The following ATP5PO variants were observed in gnomAD, a reference collection of about 807,000 sequenced individuals.
ATP5PO encodes the protein ATP synthase peripheral stalk subunit OSCP.
ATP5PO carries 14 observed loss-of-function variants against 26.2 expected under a neutral mutation model. The observed-to-expected ratio is 0.53, with a 90% CI of 0.35 to 0.83. The LOEUF (loss-of-function observed/expected upper bound fraction) is 0.83. ATP5PO is among the 40% of genes least tolerant of loss of function. The probability of loss-of-function intolerance (pLI) is 0.01; values close to 1 mark genes in which losing one functional copy is unlikely to be tolerated. For missense variants in ATP5PO, 241 were observed against 258.5 expected (o/e 0.93, Z 0.46); for synonymous variants, 106 against 95.1 (o/e 1.12, Z -0.67).
At chr21:33,903,763 G>T in intron 6 of ATP5PO, 124 bp from the exon 7 acceptor site, 1 of 1,178,790 alleles carries the variant, frequency 8.5e-7, no homozygotes, top group Non-Finnish European at 1.2e-6. Context: ...CTAGAAAAAG[G>T]CAAAAGTAAA....
At chr21:33,904,397 G>C (rs1305072762) in intron 5 of ATP5PO, among the ~76,000 whole-genome samples, 1 of 152,220 alleles carries the variant, frequency 6.6e-6, no homozygotes, top group Non-Finnish European at 1.5e-5. Context: ...GGCCTCTCCT[G>C]GGTGCAGCCC....
At chr21:33,914,298 C>T in intron 2 of ATP5PO, 152 bp downstream of exon 2, 2 of 600,562 alleles carry the variant, frequency 3.3e-6, no homozygotes, top group Non-Finnish European at 5.6e-6. Context: ...CATTCCTTTC[C>T]CCACCCTATG....
chr21:33,909,998 G>A (rs1159691234), intron 3 of ATP5PO, among the ~76,000 whole-genome samples: 2 of 152,216 alleles, frequency 1.3e-5, no homozygotes, highest in African/African-American at 4.8e-5. Context: ...TGCTGCCAGA[G>A]CGGCCCCAAA....
intron 1 of ATP5PO, chr21:33,915,443 G>A (rs1478162152): frequency 2.0e-6 from 1 of 489,910 alleles, no homozygotes; most frequent in Non-Finnish European, 3.6e-6. Context: ...GGAATTCAGC[G>A]AAGGGCAGAC....
intron 3 of ATP5PO, among the ~76,000 whole-genome samples, chr21:33,912,050 C>A (rs1987256371): frequency 6.6e-6 from 1 of 152,146 alleles, no homozygotes; most frequent in Non-Finnish European, 1.5e-5. Flanking sequence ...TCTTATATTT[C>A]TACCTTTTCT....
At chr21:33,910,001 G>A (rs1390320958) in intron 3 of ATP5PO, among the ~76,000 whole-genome samples, 2 of 152,192 alleles carry the variant, frequency 1.3e-5, no homozygotes, top group Non-Finnish European at 2.9e-5. Flanking sequence ...TGCCAGAGCG[G>A]CCCCAAAGAG....
intron 4 of ATP5PO, among the ~76,000 whole-genome samples, chr21:33,907,710 C>T (rs922226443): frequency 9.9e-5 from 15 of 152,188 alleles, no homozygotes; most frequent in African/African-American, 3.6e-4. Context: ...TCTATAGTCC[C>T]AGCTACTCAG....
intron 4 of ATP5PO, 74 bp from the exon 5 acceptor site, chr21:33,907,527 C>T: frequency 7.7e-7 from 1 of 1,297,422 alleles, no homozygotes; most frequent in Admixed American, 1.8e-5. Context: ...ATACTCAACC[C>T]AAAAAACAAA....
intron 3 of ATP5PO, 91 bp from the exon 4 acceptor site, chr21:33,909,302 A>T (rs1299132607): frequency 1.4e-6 from 2 of 1,425,906 alleles, no homozygotes; most frequent in African/African-American, 2.9e-5. Context: ...TTTTTTGGAG[A>T]CAACGTCTTG....
intron 6 of ATP5PO, 126 bp downstream of exon 6, chr21:33,903,807 TAA>T: frequency 8.9e-7 from 1 of 1,118,564 alleles, no homozygotes. Context: ...AAATTTAAAA[TAA>T]ATACAAAATT....
In ATP5PO at chr21:33,903,454, G is replaced by T; in HGVS notation, c.*72C>A. ...GTTTAAAAGACAGTGAACATAATAT[G>T]ATCTGTTCTGGAAGCTTTTTATTGT... On this transcript the variant is annotated 3_prime_UTR_variant, in exon 7 of 7. Coordinates refer to ENST00000290299, the MANE Select transcript of ATP5PO (RefSeq NM_001697.3). 2.3e-6 allele frequency: 3 copies of T among 1,286,798 alleles called. No homozygotes were observed. Among genetic ancestry groups the T allele is most frequent in the Admixed American group, 2.0e-5 (1 of 51,162 alleles). 79.7% of individuals were successfully genotyped at this position (1,286,798 alleles called of 1,614,324 possible). A position where few individuals can be genotyped will look rare whatever the true frequency, so the allele number is the denominator to read the frequency against.
chr21:33,907,912 A>G (rs2040111), intron 4 of ATP5PO, among the ~76,000 whole-genome samples: 140,703 of 152,168 alleles, frequency 0.92, 65,172 homozygotes, highest in East Asian at 1. Context: ...AGCACTTTGG[A>G]TGGCCGAGAT....
At position 33,909,141 on chromosome 21, in the gene ATP5PO, TTCAC is replaced by T; in HGVS notation, c.265_268del (p.Val89LysfsTer3). 6.2e-7 allele frequency: 1 copy of T among 1,613,592 alleles called. No individual in the cohort carries two copies. Among genetic ancestry groups the T allele is most frequent in the Non-Finnish European group, 8.5e-7 (1 of 1,179,468 alleles). On this transcript the variant is annotated frameshift_variant, in exon 4 of 7. Transcript: ENST00000290299. LOFTEE classifies it high-confidence loss of function. ...TTTTGCTGTGATGTCATTTAGGCTTTTCACTTTAATGGAACGCTTCACATAGGGA... is the reference window on the plus strand; with the variant it reads ...TTTTGCTGTGATGTCATTTAGGCTTTTTTAATGGAACGCTTCACATAGGGA...
chr21:33,909,444 T>C (rs558605655), intron 3 of ATP5PO, among the ~76,000 whole-genome samples: 3 of 152,236 alleles, frequency 2.0e-5, no homozygotes, highest in African/African-American at 7.2e-5. Context: ...TTTTGTATTT[T>C]TAGTAGAAAC....
chr21:33,909,869 T>A (rs543366551), intron 3 of ATP5PO, among the ~76,000 whole-genome samples: 2 of 152,330 alleles, frequency 1.3e-5, no homozygotes, highest in African/African-American at 4.8e-5. Flanking sequence ...GCAGTGCTAT[T>A]TCTAGAGTGC....
intron 3 of ATP5PO, among the ~76,000 whole-genome samples, chr21:33,910,505 C>A (rs1987233478): frequency 6.6e-6 from 1 of 152,142 alleles, no homozygotes; most frequent in Non-Finnish European, 1.5e-5. Flanking sequence ...AGGTAATTGC[C>A]TCCCTTTTTC....
At chr21:33,911,943 C>T (rs1032581950) in intron 3 of ATP5PO, among the ~76,000 whole-genome samples, 10 of 152,096 alleles carry the variant, frequency 6.6e-5, no homozygotes, top group South Asian at 4.1e-4. Flanking sequence ...GGATTACAGG[C>T]GTGAGCACTG....
chr21:33,915,707 TC>T lies in ATP5PO; in HGVS notation c.36+20del. 6.4e-7 allele frequency: 1 copy of T among 1,567,396 alleles called. No homozygotes were observed. On this transcript the variant is annotated intron_variant, in intron 1 of 6. Transcript: ENST00000290299. ...CCAGGAGGGATCCTCCCACTGGCTC[TC>T]AGGACCACCTTTCTCTCACCTGCCG... is the stretch of plus-strand genomic sequence containing the variant.
intron 6 of ATP5PO, 88 bp from the exon 7 acceptor site, chr21:33,903,727 A>T: frequency 7.1e-7 from 1 of 1,406,086 alleles, no homozygotes; most frequent in Non-Finnish European, 1.0e-6. Context: ...AATGTGTTGC[A>T]CAAATGTAAG....
Sources: gnomAD v4.1 joint callset for allele counts (sites outside exome capture counted in the v4.1 genomes callset) on GRCh38, gnomAD v4.1.1 for gene constraint, MANE v1.5 for transcripts, NCBI Gene and HGNC (gene_info 2026-07-23, HGNC 2026-07-21) for gene names.